The following RANBP17 variants were observed in gnomAD, a reference collection of about 807,000 sequenced individuals.
The protein encoded by RANBP17 is RAN binding protein 17.
A neutral mutation model predicts 141.2 loss-of-function variants in RANBP17; 158 were observed. That is an observed-to-expected ratio of 1.12 (90% CI 0.98 to 1.28). The LOEUF is 1.28. Ranked by LOEUF, RANBP17 falls within the 50% of genes most tolerant of loss-of-function variation. The pLI, the probability that RANBP17 is intolerant of heterozygous loss-of-function variation, is 0.00. For missense variants in RANBP17, 1,438 were observed against 1,290.7 expected (o/e 1.11, Z -1.75); for synonymous variants, 430 against 450.0 (o/e 0.96, Z 0.56).
intron 22 of RANBP17, among the ~76,000 whole-genome samples, chr5:171,227,886 A>G (rs1581070497): frequency 6.6e-6 from 1 of 152,218 alleles, no homozygotes; most frequent in African/African-American, 2.4e-5. Context: ...ACATCTGTTT[A>G]CAGCATGCTT....
Position 170,863,141 on chromosome 5 carries a change from G to A in RANBP17, c.18+1090G>A, listed in dbSNP as rs1455348009. 2.0e-5 allele frequency among the ~76,000 whole-genome samples: 3 copies of A among 152,154 alleles called. No homozygotes were observed. The East Asian group carries it at 5.8e-4, about 29-fold the overall frequency. ...CAGTCTACTGGTCCTTGAAAGAGTC[G>A]TAGTTGTTTGCCAGGTGAAGAGGAA... On this transcript the variant is annotated intron_variant, in intron 1 of 27. Transcript: ENST00000523189.
At chr5:171,155,178 C>A (rs1758813150) in intron 14 of RANBP17, among the ~76,000 whole-genome samples, 1 of 144,168 alleles carries the variant, frequency 6.9e-6, no homozygotes, top group Admixed American at 7.0e-5. Flanking sequence ...GTTAATGATA[C>A]CTAGCTGTGC....
intron 14 of RANBP17, among the ~76,000 whole-genome samples, chr5:171,073,508 A>T (rs1374713965): frequency 6.6e-6 from 1 of 152,170 alleles, no homozygotes; most frequent in Non-Finnish European, 1.5e-5. Context: ...AGTAAACAAC[A>T]GGGAAACTAG....
chr5:170,998,517 A>G (rs1337473741), intron 14 of RANBP17, among the ~76,000 whole-genome samples: 1 of 152,220 alleles, frequency 6.6e-6, no homozygotes, highest in Non-Finnish European at 1.5e-5. Context: ...AAATAATGTC[A>G]GTACTAAAAG....
intron 7 of RANBP17, among the ~76,000 whole-genome samples, chr5:170,913,379 T>C (rs1262633487): frequency 1.3e-5 from 2 of 151,908 alleles, no homozygotes; most frequent in Non-Finnish European, 2.9e-5. Context: ...TTTGATGCTA[T>C]TGATGGTGTG....
At chr5:171,050,474 C>T (rs937365853) in intron 14 of RANBP17, among the ~76,000 whole-genome samples, 2 of 152,130 alleles carry the variant, frequency 1.3e-5, no homozygotes, top group African/African-American at 2.4e-5. Context: ...TTAATCCCAG[C>T]ACTTTGGAGA....
chr5:171,121,636 CTG>C (rs1375826713), intron 14 of RANBP17, among the ~76,000 whole-genome samples: 1 of 152,284 alleles, frequency 6.6e-6, no homozygotes, highest in East Asian at 1.9e-4. Flanking sequence ...GACTGCCAGA[CTG>C]TTGTTCTGGG....
intron 13 of RANBP17, among the ~76,000 whole-genome samples, chr5:170,964,794 T>A (rs1776422024): frequency 6.6e-6 from 1 of 152,242 alleles, no homozygotes; most frequent in Admixed American, 6.5e-5. Flanking sequence ...ATCCAGTCTA[T>A]CATTGTTGGA....
At chr5:171,192,887 T>G (rs560515686) in intron 18 of RANBP17, among the ~76,000 whole-genome samples, 1 of 152,180 alleles carries the variant, frequency 6.6e-6, no homozygotes, top group East Asian at 1.9e-4. Flanking sequence ...TAGCTAGCAC[T>G]CCTAAGCAAT....
At chr5:171,100,475 T>C (rs1285258978) in intron 14 of RANBP17, among the ~76,000 whole-genome samples, 1 of 152,006 alleles carries the variant, frequency 6.6e-6, no homozygotes, top group Non-Finnish European at 1.5e-5. Flanking sequence ...ATTGTGTCTA[T>C]TTGATTCTTC....
intron 14 of RANBP17, among the ~76,000 whole-genome samples, chr5:170,973,636 A>G (rs1777148742): frequency 9.9e-6 from 1 of 100,982 alleles, no homozygotes; most frequent in South Asian, 7.3e-4. Context: ...TACATGAATA[A>G]ACACTTCACA....
intron 20 of RANBP17, among the ~76,000 whole-genome samples, chr5:171,212,904 C>T (rs957046383): frequency 6.6e-6 from 1 of 152,104 alleles, no homozygotes; most frequent in African/African-American, 2.4e-5. Context: ...GTTCTGATGG[C>T]CTTCAGCATA....
At chr5:171,048,204 A>G (rs978903428) in intron 14 of RANBP17, among the ~76,000 whole-genome samples, 25 of 152,070 alleles carry the variant, frequency 1.6e-4, no homozygotes, top group Admixed American at 3.3e-4. Context: ...CTGGGACCAC[A>G]GGTGCACTAC....
intron 22 of RANBP17, among the ~76,000 whole-genome samples, chr5:171,228,314 G>A (rs560028820): frequency 6.6e-6 from 1 of 152,328 alleles, no homozygotes; most frequent in Non-Finnish European, 1.5e-5. Context: ...ACTTTGAAGA[G>A]TTCAAGACTT....
At chr5:171,271,579 T>C (rs1767119771) in intron 25 of RANBP17, 1 of 209,922 alleles carries the variant, frequency 4.8e-6, no homozygotes, top group East Asian at 7.3e-5. Flanking sequence ...ATAAAGACAT[T>C]TCCAGTGATC....
At chr5:170,864,161 C>T (rs186303522) in intron 1 of RANBP17, among the ~76,000 whole-genome samples, 13 of 152,266 alleles carry the variant, frequency 8.5e-5, no homozygotes, top group African/African-American at 2.9e-4. Flanking sequence ...ACTTGCCCAA[C>T]GTTACAGAGT....
chr5:171,294,135 A>G (rs1768676158), intron 26 of RANBP17, among the ~76,000 whole-genome samples, 154 bp downstream of exon 26: 1 of 152,120 alleles, frequency 6.6e-6, no homozygotes, highest in African/African-American at 2.4e-5. Context: ...ATTCCCCTAC[A>G]AGGCCCTTCC....
intron 25 of RANBP17, chr5:171,271,071 ATTTCTTTTTTTTTTTTTTTTTTTTTTTT>A (rs1767075606): frequency 4.1e-5 from 1 of 24,198 alleles, no homozygotes; most frequent in African/African-American, 4.0e-4. Context: ...TTTTTATGTT[ATTTCTTTTTTTTTTTTTTTTTTTTTTTT>A]TTTTTTTTTT....
At chr5:171,114,965 A>G (rs1472886202) in intron 14 of RANBP17, among the ~76,000 whole-genome samples, 3 of 151,950 alleles carry the variant, frequency 2.0e-5, no homozygotes, top group Non-Finnish European at 4.4e-5. Context: ...AATTTAAAAA[A>G]TGGTTGGACA....
Sources: gnomAD v4.1 joint callset for allele counts (sites outside exome capture counted in the v4.1 genomes callset) on GRCh38, gnomAD v4.1.1 for gene constraint, MANE v1.5 for transcripts, NCBI Gene and HGNC (gene_info 2026-07-23, HGNC 2026-07-21) for gene names.